The following OSBP2 variants were observed in gnomAD, a reference collection of about 807,000 sequenced individuals.
The protein encoded by OSBP2 is oxysterol-binding protein 2.
OSBP2 carries 66 observed loss-of-function variants against 96.0 expected under a neutral mutation model. The observed-to-expected ratio is 0.69, with a 90% CI of 0.56 to 0.84. OSBP2 has a LOEUF of 0.84. Among genes scored for constraint, OSBP2 ranks in the 40% least tolerant of loss-of-function variants. The pLI is 0.00. For missense variants in OSBP2, 1,038 were observed against 1,222.7 expected (o/e 0.85, Z 2.25); for synonymous variants, 525 against 520.9 (o/e 1.01, Z -0.11).
intron 2 of OSBP2, 106 bp downstream of exon 2, chr22:30,741,475 C>T: frequency 1.1e-6 from 1 of 891,826 alleles, no homozygotes; most frequent in Non-Finnish European, 1.7e-6. Flanking sequence ...GAGACCCAGG[C>T]CAGCGTGGAT....
chr22:30,705,275 A>C (rs1470121334), intron 1 of OSBP2, among the ~76,000 whole-genome samples: 1 of 140,834 alleles, frequency 7.1e-6, no homozygotes, highest in Non-Finnish European at 1.5e-5. Context: ...CTTCCTCCCC[A>C]GTATTTTTGT....
intron 2 of OSBP2, among the ~76,000 whole-genome samples, chr22:30,802,636 C>A (rs1018548765): frequency 2.0e-5 from 3 of 152,238 alleles, no homozygotes; most frequent in Non-Finnish European, 4.4e-5. Context: ...ACGGAGAGCT[C>A]GCCTTTATCT....
At chr22:30,840,618 A>G (rs1460550208) in intron 2 of OSBP2, among the ~76,000 whole-genome samples, 6 of 152,194 alleles carry the variant, frequency 3.9e-5, no homozygotes, top group Non-Finnish European at 4.4e-5. Context: ...TATCTGTAAG[A>G]TGGGATTGAT....
intron 2 of OSBP2, among the ~76,000 whole-genome samples, chr22:30,827,417 G>C (rs1475406249): frequency 6.6e-6 from 1 of 152,146 alleles, no homozygotes; most frequent in Non-Finnish European, 1.5e-5. Flanking sequence ...ACTTGCTTTT[G>C]GCCTAAGGTG....
chr22:30,710,906 C>T (rs567034473), intron 1 of OSBP2, among the ~76,000 whole-genome samples: 23 of 151,260 alleles, frequency 1.5e-4, no homozygotes, highest in Non-Finnish European at 2.8e-4. Context: ...CCACCACGCC[C>T]GGCTAATTTT....
At chr22:30,884,484 C>A (rs1427695969) in intron 3 of OSBP2, among the ~76,000 whole-genome samples, 1 of 152,216 alleles carries the variant, frequency 6.6e-6, no homozygotes, top group African/African-American at 2.4e-5. Context: ...CTTCCTTGGG[C>A]AGGCCATGTT....
chr22:30,849,664 ACTT>A (rs2038940347), intron 2 of OSBP2, among the ~76,000 whole-genome samples: 1 of 152,112 alleles, frequency 6.6e-6, no homozygotes, highest in Non-Finnish European at 1.5e-5. Context: ...ATTGGGAAAA[ACTT>A]CTCCTGTGGT....
chr22:30,694,251 T>C (rs1003339393), upstream of OSBP2: 84 of 1,549,894 alleles, frequency 5.4e-5, no homozygotes, highest in Admixed American at 1.2e-4. Context: ...CGCCTTGGCA[T>C]GAACCGTAGG....
Position 30,871,073 on chromosome 22 carries a change from G to A in OSBP2, c.1107+391G>A, listed in dbSNP as rs1388168799. 6.6e-6 allele frequency among the ~76,000 whole-genome samples: 1 copy of A among 152,124 alleles called. No homozygotes were observed. Among genetic ancestry groups the A allele is most frequent in the East Asian group, 1.9e-4 (1 of 5,194 alleles). On this transcript the variant is annotated intron_variant, in intron 3 of 13. Coordinates refer to ENST00000332585, the MANE Select transcript of OSBP2 (RefSeq NM_030758.4). The surrounding 1 kb of genome is among the most constrained non-coding windows in gnomAD (Gnocchi z 4.7). ...CGGTGGCTGCTACTCCTCCTCCCTG[G>A]GTTCACTCCCCAGATGCAGTGGGAG...
chr22:30,702,515 G>T (rs2145670675), intron 1 of OSBP2, among the ~76,000 whole-genome samples: 1 of 152,300 alleles, frequency 6.6e-6, no homozygotes, highest in African/African-American at 2.4e-5. Context: ...TCGGGAGTCT[G>T]AGGCATGAGA....
chr22:30,903,799 A>C (rs1235158808), intron 12 of OSBP2, among the ~76,000 whole-genome samples: 1 of 152,242 alleles, frequency 6.6e-6, no homozygotes, highest in Non-Finnish European at 1.5e-5. Context: ...TAGTACAGGC[A>C]ACATAATGAG....
chr22:30,881,861 G>A lies in OSBP2; in HGVS notation c.1108-5565G>A, dbSNP rs766776255. On this transcript the variant is annotated intron_variant, in intron 3 of 13. Coordinates refer to ENST00000332585, the MANE Select transcript of OSBP2 (RefSeq NM_030758.4). This position sits in a 1 kb window ranked among gnomAD's most constrained non-coding sequence, Gnocchi z 4.5. ...CTCTCTGCATCCATGGGGTGACCAGGCAGCTCATGTGCTGTGGGGGTAAAG... is the reference window on the plus strand; with the variant it reads ...CTCTCTGCATCCATGGGGTGACCAGACAGCTCATGTGCTGTGGGGGTAAAG... 1,327 of 1,288,768 alleles carry A rather than the reference G, an allele frequency of 1.0e-3. No individual in the cohort carries two copies. Among genetic ancestry groups the A allele is most frequent in the Non-Finnish European group, 1.2e-3 (1,207 of 976,856 alleles). 79.8% of individuals were successfully genotyped at this position (1,288,768 alleles called of 1,614,324 possible).
At chr22:30,731,913 C>T (rs1286164094) in intron 1 of OSBP2, among the ~76,000 whole-genome samples, 8 of 152,200 alleles carry the variant, frequency 5.3e-5, no homozygotes, top group Admixed American at 3.9e-4. Flanking sequence ...CTCCACTCTC[C>T]GCCAGCACTC....
chr22:30,758,356 G>A (rs1239217961), intron 2 of OSBP2, among the ~76,000 whole-genome samples: 3 of 152,152 alleles, frequency 2.0e-5, no homozygotes, highest in Non-Finnish European at 4.4e-5. Context: ...AGCCGAGATG[G>A]CACCACTGCA....
At chr22:30,862,916 T>C (rs1044035873) in intron 2 of OSBP2, among the ~76,000 whole-genome samples, 11 of 150,334 alleles carry the variant, frequency 7.3e-5, no homozygotes, top group Non-Finnish European at 1.6e-4. Context: ...GAGGTTGCAA[T>C]GAGCCGAGAT....
intron 2 of OSBP2, among the ~76,000 whole-genome samples, chr22:30,834,621 T>C (rs1195793702): frequency 6.6e-6 from 1 of 152,244 alleles, no homozygotes; most frequent in Non-Finnish European, 1.5e-5. Context: ...GAACATCTTT[T>C]CATGTGCTTA....
chr22:30,838,628 G>A (rs2038683117), intron 2 of OSBP2, among the ~76,000 whole-genome samples: 1 of 152,050 alleles, frequency 6.6e-6, no homozygotes, highest in South Asian at 2.1e-4. Flanking sequence ...ATCAAGTTGA[G>A]CAAGTTCCCT....
At chr22:30,906,104 G>A (rs1790081736) in intron 13 of OSBP2, 35 bp downstream of exon 13, 2 of 1,600,262 alleles carry the variant, frequency 1.2e-6, no homozygotes, top group African/African-American at 2.7e-5. Context: ...CCGGAGGGGA[G>A]GAAAGGGGTG....
chr22:30,826,658 C>T (rs2038411741), intron 2 of OSBP2, among the ~76,000 whole-genome samples: 1 of 152,182 alleles, frequency 6.6e-6, no homozygotes, highest in South Asian at 2.1e-4. Flanking sequence ...CTTAATGCCA[C>T]CCTCTCCCCT....
Sources: allele counts gnomAD v4.1 joint callset (sites outside exome capture counted in the v4.1 genomes callset), GRCh38; gene constraint gnomAD v4.1.1; non-coding constraint Gnocchi (gnomAD v3.1); transcripts MANE v1.5; gene names NCBI Gene and HGNC (gene_info 2026-07-23, HGNC 2026-07-21).